The following CLVS1 variants were observed in gnomAD, a reference collection of about 807,000 sequenced individuals.
CLVS1 encodes clavesin 1, also known as clavesin-1.
A neutral mutation model predicts 33.1 loss-of-function variants in CLVS1; 10 were observed. The observed-to-expected ratio is 0.30, with a 90% confidence interval of 0.19 to 0.51. The LOEUF (loss-of-function observed/expected upper bound fraction) is 0.51. CLVS1 is among the 20% of genes least tolerant of loss of function. The probability of loss-of-function intolerance (pLI) is 0.97; values close to 1 mark genes in which losing one functional copy is unlikely to be tolerated. For synonymous variants in CLVS1, 163 were observed against 166.1 expected (o/e 0.98, Z 0.14); for missense variants, 343 against 433.4 (o/e 0.79, Z 1.85).
intron 5 of CLVS1, among the ~76,000 whole-genome samples, chr8:61,466,896 G>A (rs1287414349): frequency 6.6e-6 from 1 of 152,098 alleles, no homozygotes; most frequent in Non-Finnish European, 1.5e-5. Flanking sequence ...TGATCCACCT[G>A]CCTCAGCCTC....
the CLVS1 span, among the ~76,000 whole-genome samples, chr8:61,022,386 C>T: frequency 5.3e-5 from 8 of 152,146 alleles, no homozygotes; most frequent in Non-Finnish European, 1.2e-4. Flanking sequence ...ATATTTGTAT[C>T]GACAAGGAGA....
intron 1 of CLVS1, among the ~76,000 whole-genome samples, chr8:61,085,761 C>T (rs139874187): frequency 2.0e-5 from 3 of 150,876 alleles, no homozygotes; most frequent in African/African-American, 4.9e-5. Context: ...GTGGCTCACA[C>T]CTGTAATCCC....
At chr8:61,235,167 AT>A (rs11346254) in intron 2 of CLVS1, among the ~76,000 whole-genome samples, 61,009 of 152,012 alleles carry the variant, frequency 0.4, 12,458 homozygotes, top group Admixed American at 0.42. Flanking sequence ...TGCTGGTTAG[AT>A]TGTGGAGTAA....
chr8:61,228,346 C>A (rs1342437473), intron 2 of CLVS1, among the ~76,000 whole-genome samples: 1 of 152,132 alleles, frequency 6.6e-6, no homozygotes, highest in East Asian at 1.9e-4. Context: ...GCTCTCTTAG[C>A]AATTTTCAAG....
In CLVS1 at chr8:61,458,477, T is replaced by C; in HGVS notation, c.912T>C (p.Asn304=). ...DENDYTHTSY[N]AMHVKHTSSN... ...ATGACTATACTCACACATCCTATAA[T>C]GCAATGCACGTGAAGCATACGTCCT... Residue 304 remains asparagine, a synonymous_variant, in exon 5 of 6, where the codon AAT becomes AAC. Transcript: ENST00000325897. The C allele has an allele frequency of 6.2e-7, 1 of 1,613,868 alleles. No individual in the cohort carries two copies. Among genetic ancestry groups the C allele is most frequent in the East Asian group, 2.2e-5 (1 of 44,868 alleles).
At chr8:61,042,448 A>G in the CLVS1 span, among the ~76,000 whole-genome samples, 5 of 152,192 alleles carry the variant, frequency 3.3e-5, no homozygotes, top group African/African-American at 1.2e-4. Flanking sequence ...TGGCTTATAA[A>G]CAATGTATGT....
In CLVS1 at chr8:61,222,423, C is replaced by T. The variant is rs565162352; in HGVS notation, c.-151-77254C>T. Among the ~76,000 whole-genome samples, 10 of 152,132 alleles carry T rather than the reference C, an allele frequency of 6.6e-5. 1 individual carries two copies. Among genetic ancestry groups the T allele is most frequent in the South Asian group, 4.1e-4 (2 of 4,824 alleles). ...TTTCAAAGAATTTCTTGATTTCTGCCTTAATTATTTACCCAGGAATCATTT... is the reference window on the plus strand; with the variant it reads ...TTTCAAAGAATTTCTTGATTTCTGCTTTAATTATTTACCCAGGAATCATTT... On this transcript the variant is annotated intron_variant, in intron 2 of 2. Transcript: ENST00000522621.
chr8:61,059,156 T>C (rs188428760), intron 1 of CLVS1, among the ~76,000 whole-genome samples: 121 of 152,240 alleles, frequency 7.9e-4, no homozygotes, highest in Non-Finnish European at 1.5e-3. Flanking sequence ...TTTTTATTCA[T>C]ACATTAGCAA....
intron 2 of CLVS1, among the ~76,000 whole-genome samples, chr8:61,187,729 T>G (rs1030386736): frequency 4.0e-5 from 6 of 151,192 alleles, no homozygotes; most frequent in Non-Finnish European, 8.9e-5. Context: ...AATGAATATA[T>G]TAAATATATG....
intron 3 of CLVS1, among the ~76,000 whole-genome samples, chr8:61,419,299 C>T (rs746600996): frequency 6.7e-5 from 10 of 149,154 alleles, no homozygotes; most frequent in African/African-American, 2.2e-4. Flanking sequence ...CAGGAGGCTG[C>T]GGCAGGAGAA....
rs574110616 is a variant in CLVS1, at chr8:61,101,969, A to T, written c.-242-29801A>T. ...TATTTCGTTGATCAATATGTACCAC[A>T]GTACCACACTGTTTTGATTAATGTA... On this transcript the variant is annotated intron_variant, in intron 1 of 2. Transcript: ENST00000522621. Among the ~76,000 whole-genome samples the T allele has an allele frequency of 3.9e-5, 6 of 152,324 alleles. No individual in the cohort carries two copies. In the East Asian group the frequency reaches 1.2e-3, roughly 29 times the overall value.
At chr8:61,106,552 G>A (rs1417218650) in intron 1 of CLVS1, among the ~76,000 whole-genome samples, 2 of 152,188 alleles carry the variant, frequency 1.3e-5, no homozygotes, top group African/African-American at 4.8e-5. Flanking sequence ...CACGGAGTCC[G>A]GGCCTGCCCA....
chr8:61,056,966 A>G (rs143346730), upstream of CLVS1, among the ~76,000 whole-genome samples: 700 of 152,192 alleles, frequency 4.6e-3, 2 homozygotes, highest in Middle Eastern at 0.01. Flanking sequence ...CTGCTAGTGG[A>G]GCTACCTCTC....
intron 2 of CLVS1, among the ~76,000 whole-genome samples, chr8:61,280,338 G>T (rs1395095591): frequency 6.6e-6 from 1 of 152,176 alleles, no homozygotes; most frequent in Non-Finnish European, 1.5e-5. Context: ...GGTGGGAGAT[G>T]CCATGATAGA....
chr8:61,193,070 C>T (rs534627688), intron 2 of CLVS1, among the ~76,000 whole-genome samples: 3 of 152,254 alleles, frequency 2.0e-5, no homozygotes, highest in East Asian at 1.9e-4. Flanking sequence ...CACATTCACA[C>T]GTATGTTTAC....
intron 3 of CLVS1, among the ~76,000 whole-genome samples, chr8:61,433,169 G>T (rs961318270): frequency 6.6e-6 from 1 of 152,222 alleles, no homozygotes; most frequent in Non-Finnish European, 1.5e-5. Context: ...GCCCAGGCTG[G>T]TCTCAAACTC....
the CLVS1 span, among the ~76,000 whole-genome samples, chr8:61,028,767 G>A: frequency 9.2e-5 from 14 of 152,146 alleles, no homozygotes; most frequent in Non-Finnish European, 1.5e-4. Context: ...ACTAGGACTC[G>A]GTGAACAAAG....
At chr8:61,102,761 A>C (rs1173895523) in intron 1 of CLVS1, among the ~76,000 whole-genome samples, 6 of 152,218 alleles carry the variant, frequency 3.9e-5, no homozygotes, top group Non-Finnish European at 7.3e-5. Context: ...AAACTTATGA[A>C]TATAGGAAAA....
At chr8:61,470,526 G>A (rs1366132740) in intron 5 of CLVS1, among the ~76,000 whole-genome samples, 2 of 152,194 alleles carry the variant, frequency 1.3e-5, no homozygotes, top group Non-Finnish European at 2.9e-5. Context: ...TTTGGAAAGG[G>A]AGATATAGCC....
Sources: gnomAD v4.1 joint callset for allele counts (sites outside exome capture counted in the v4.1 genomes callset) on GRCh38, gnomAD v4.1.1 for gene constraint, MANE v1.5 for transcripts, NCBI Gene and HGNC (gene_info 2026-07-23, HGNC 2026-07-21) for gene names.